Variants in FAM184B observed in about 807,000 individuals in gnomAD.
The protein encoded by FAM184B is protein FAM184B.
A neutral mutation model predicts 135.9 loss-of-function variants in FAM184B; 111 were observed. The observed-to-expected ratio is 0.82, with a 90% CI of 0.70 to 0.96. The LOEUF is 0.96. FAM184B is among the 40% of genes least tolerant of loss of function. FAM184B has a pLI of 0.00. For missense variants in FAM184B, 1,375 were observed against 1,323.9 expected, an observed-to-expected ratio of 1.04 and a Z score of -0.60; for synonymous variants, 552 against 524.8, an observed-to-expected ratio of 1.05 and a Z score of -0.71.
rs573418842 is a variant in FAM184B, at chr4:17,676,696, C to T, written c.1596+11728G>A. Among the ~76,000 whole-genome samples the T allele has an allele frequency of 1.2e-4, 19 of 152,242 alleles. No homozygotes were observed. The East Asian group carries it at 3.7e-3, about 29-fold the overall frequency. ...AATGGAGCTGAAAAATTCCTATTGCCTAATGATGACATAGCCATTGTAAAG... is the reference window on the plus strand; with the variant it reads ...AATGGAGCTGAAAAATTCCTATTGCTTAATGATGACATAGCCATTGTAAAG... On this transcript the variant is annotated intron_variant, in intron 7 of 17. Transcript: ENST00000265018.
At chr4:17,651,517 G>A (rs552064685) in intron 11 of FAM184B, among the ~76,000 whole-genome samples, 33 of 105,134 alleles carry the variant, frequency 3.1e-4, no homozygotes, top group East Asian at 2.3e-3. Context: ...CAGCCTGGGC[G>A]ACAGAGCAAG....
intron 1 of FAM184B, among the ~76,000 whole-genome samples, chr4:17,779,080 G>A (rs762260547): frequency 3.3e-5 from 5 of 152,098 alleles, no homozygotes; most frequent in Non-Finnish European, 5.9e-5. Context: ...TCTCAAACCA[G>A]CAGTGGAATA....
At chr4:17,778,057 T>G (rs1364572275) in intron 1 of FAM184B, among the ~76,000 whole-genome samples, 1 of 151,422 alleles carries the variant, frequency 6.6e-6, no homozygotes, top group Non-Finnish European at 1.5e-5. Flanking sequence ...GGTGACGTAG[T>G]GAGACACTGT....
In FAM184B at chr4:17,709,211, T is replaced by A. The variant is rs1717191158; in HGVS notation, c.575A>T (p.Glu192Val). 6.5e-7 allele frequency: 1 copy of A among 1,547,812 alleles called. No individual in the cohort carries two copies. The highest frequency in any genetic ancestry group is 1.2e-5 in the South Asian group (1 of 83,860). ...CACCTCTAGCAGGACCTCCTGCATC[T>A]CCGGGCCCTGGCCTGGCTCCGACTT... ...ETKSEPGQGP[E>V]MQEVLLEVQR... Residue 192 changes from glutamate to valine, a missense_variant, in exon 2 of 18, where the codon GAG becomes GTG. Coordinates refer to ENST00000265018, the MANE Select transcript of FAM184B (RefSeq NM_015688.2).
rs1475825711 is a variant in FAM184B, at chr4:17,652,976, T to C, written c.2045A>G (p.Glu682Gly). The C allele has an allele frequency of 7.7e-6, 12 of 1,551,476 alleles. No homozygotes were observed. The East Asian group carries it at 2.4e-4, about 32-fold the overall frequency. Residue 682 changes from glutamate to glycine, a missense_variant, in exon 11 of 18, where the codon GAG becomes GGG. Glu to Gly is a moderately conservative substitution (Grantham distance 98). Transcript: ENST00000265018. ...GCTGGATTCCTTCTTCAAGCGTTCCTCTGTGGCCTGTGGGAAAAAGTGGGA... is the reference window on the plus strand; with the variant it reads ...GCTGGATTCCTTCTTCAAGCGTTCCCCTGTGGCCTGTGGGAAAAAGTGGGA... The part of the protein sequence containing the change: ...KARHQELKAT[E>G]ERLKKESSHS...
At chr4:17,678,502 T>C (rs1716366704) in intron 7 of FAM184B, among the ~76,000 whole-genome samples, 1 of 151,676 alleles carries the variant, frequency 6.6e-6, no homozygotes, top group Non-Finnish European at 1.5e-5. Context: ...AGGAAAACTA[T>C]AAAACACTGC....
chr4:17,691,102 A>T (rs576714976), intron 6 of FAM184B, among the ~76,000 whole-genome samples: 2 of 152,258 alleles, frequency 1.3e-5, no homozygotes, highest in East Asian at 3.9e-4. Context: ...CTTAGTCATC[A>T]AAGAGGCAAC....
intron 1 of FAM184B, among the ~76,000 whole-genome samples, chr4:17,720,895 AAAAAAAAGAAAG>A (rs1717508302): frequency 6.6e-6 from 1 of 151,534 alleles, no homozygotes; most frequent in Non-Finnish European, 1.5e-5. Context: ...AAAAAAAAAA[AAAAAAAAGAAAG>A]AAAAAAGAAG....
intron 7 of FAM184B, among the ~76,000 whole-genome samples, chr4:17,683,771 T>G (rs767509654): frequency 2.0e-5 from 3 of 151,934 alleles, no homozygotes; most frequent in African/African-American, 7.3e-5. Flanking sequence ...AGCTATAAAA[T>G]TTAAGTTAAG....
intron 5 of FAM184B, among the ~76,000 whole-genome samples, chr4:17,693,710 A>T (rs1716790590): frequency 6.6e-6 from 1 of 152,208 alleles, no homozygotes; most frequent in African/African-American, 2.4e-5. Flanking sequence ...CATTACTAAC[A>T]AACTTGTCAG....
At position 17,658,460 on chromosome 4, in the gene FAM184B, G is replaced by C; in HGVS notation, c.1927C>G (p.Arg643Gly). ...LSDLEREKLQ[R>G]ELQETTQQNH... ...TGCTGAGTGGTCTCCTGGAGCTCAC[G>C]CTGCAGCTTCTCCCTCTCCAGGTCC... The change falls in exon 10 of 18, where the codon CGT becomes GGT. Residue 643 changes from arginine (R) to glycine (G), a missense_variant. Physicochemically the swap from Arg to Gly is moderately radical, Grantham distance 125. Coordinates refer to ENST00000265018, the MANE Select transcript of FAM184B (RefSeq NM_015688.2). 6.4e-7 allele frequency: 1 copy of C among 1,551,516 alleles called. No homozygotes were observed. Among genetic ancestry groups the C allele is most frequent in the Non-Finnish European group, 8.7e-7 (1 of 1,146,918 alleles).
intron 7 of FAM184B, among the ~76,000 whole-genome samples, chr4:17,671,703 G>A (rs115829376): frequency 0.016 from 2,485 of 151,996 alleles, 79 homozygotes; most frequent in African/African-American, 0.057. Flanking sequence ...TTTACCTGAC[G>A]GAGAATAAAA....
At chr4:17,654,215 G>A (rs537612438) in intron 10 of FAM184B, among the ~76,000 whole-genome samples, 1 of 149,704 alleles carries the variant, frequency 6.7e-6, no homozygotes, top group East Asian at 1.9e-4. Context: ...TTTCCAGTTA[G>A]CAGAGTTCCA....
Position 17,709,370 on chromosome 4 carries a change from T to A in FAM184B, c.416A>T (p.Glu139Val). The A allele has an allele frequency of 6.5e-7, 1 of 1,542,836 alleles. No homozygotes were observed. The change falls in exon 2 of 18, where the codon GAG becomes GTG. Residue 139 changes from glutamate to valine, a missense_variant. Glu to Val is a moderately radical substitution (Grantham distance 121). Coordinates refer to ENST00000265018, the MANE Select transcript of FAM184B (RefSeq NM_015688.2). ...TKERELRVEA[E>V]HAERVLTLSR... ...GAGCGTGAGGACTCGCTCGGCGTGC[T>A]CTGCCTCCACCCTCAGCTCTCTCTC... is the stretch of plus-strand genomic sequence containing the variant.
intron 7 of FAM184B, among the ~76,000 whole-genome samples, chr4:17,672,282 C>G (rs1716187298): frequency 6.6e-6 from 1 of 152,080 alleles, no homozygotes; most frequent in African/African-American, 2.4e-5. Flanking sequence ...ACTAAGAATA[C>G]TATACCTGGG....
chr4:17,732,877 C>A (rs556267254), intron 1 of FAM184B, among the ~76,000 whole-genome samples: 1 of 152,030 alleles, frequency 6.6e-6, no homozygotes, highest in Admixed American at 6.6e-5. Context: ...GGCAGAGACA[C>A]AACCAAAAAA....
At position 17,721,658 on chromosome 4, in the gene FAM184B, G is replaced by A. The variant is rs568458993; in HGVS notation, c.142-12014C>T. Among the ~76,000 whole-genome samples, 3 of 152,224 alleles carry A rather than the reference G, an allele frequency of 2.0e-5. 1 individual carries two copies. In the East Asian group the frequency reaches 5.8e-4, roughly 30 times the overall value. ...ACCATGACATGACGCTGGACAGGTG[G>A]GCAGGGGTCAGACCCTCACAAGTCC... On this transcript the variant is annotated intron_variant, in intron 1 of 17. Transcript: ENST00000265018.
In FAM184B at chr4:17,731,950, G is replaced by A. The variant is rs564685334; in HGVS notation, c.142-22306C>T. ...ATAGTTGGAAGTAAAGCACTCCTCA[G>A]CAAATGTAAAAGAACAGAAATTATA... On this transcript the variant is annotated intron_variant, in intron 1 of 17. Coordinates refer to ENST00000265018, the MANE Select transcript of FAM184B (RefSeq NM_015688.2). Among the ~76,000 whole-genome samples the A allele has an allele frequency of 2.0e-3, 311 of 152,144 alleles. 1 individual carries two copies. The highest frequency in any genetic ancestry group is 6.9e-3 in the African/African-American group (288 of 41,502).
chr4:17,639,506 G>A, intron 13 of FAM184B, 110 bp from the exon 14 acceptor site: 1 of 1,291,736 alleles, frequency 7.7e-7, no homozygotes, highest in African/African-American at 1.5e-5. Context: ...TCTGGGTGGG[G>A]AGAAATTGTG....
Sources: allele counts gnomAD v4.1 joint callset (sites outside exome capture counted in the v4.1 genomes callset), GRCh38; gene constraint gnomAD v4.1.1; transcripts MANE v1.5; gene names NCBI Gene and HGNC (gene_info 2026-07-23, HGNC 2026-07-21).